Variants in PCDH9 observed in about 807,000 individuals in gnomAD.
PCDH9 encodes protocadherin 9, also known as protocadherin-9.
A neutral mutation model predicts 70.6 loss-of-function variants in PCDH9; 24 were observed. The observed-to-expected ratio is 0.34, with a 90% CI of 0.25 to 0.48. The LOEUF is 0.48. Among genes scored for constraint, PCDH9 ranks in the 20% least tolerant of loss-of-function variants. The pLI is 0.99. For missense variants in PCDH9, 1,281 were observed against 1,503.6 expected (o/e 0.85, Z 2.45); for synonymous variants, 562 against 558.5 (o/e 1.01, Z -0.09).
intron 3 of PCDH9, among the ~76,000 whole-genome samples, chr13:66,695,548 ATATAT>A (rs1445941278): frequency 6.6e-6 from 1 of 152,244 alleles, no homozygotes; most frequent in Non-Finnish European, 1.5e-5. Context: ...TAAATGTCAC[ATATAT>A]TATACCATAA....
chr13:66,840,198 T>C (rs1763204975), intron 3 of PCDH9, among the ~76,000 whole-genome samples: 1 of 152,172 alleles, frequency 6.6e-6, no homozygotes, highest in African/African-American at 2.4e-5. Context: ...ATTTTCTGAA[T>C]ACTGAATATA....
At chr13:66,857,201 T>C (rs552946918) in intron 3 of PCDH9, among the ~76,000 whole-genome samples, 1 of 152,114 alleles carries the variant, frequency 6.6e-6, no homozygotes, top group Non-Finnish European at 1.5e-5. Context: ...GCTAACAATA[T>C]TTGATAGCAA....
chr13:66,729,232 G>T (rs1189415183), intron 3 of PCDH9, among the ~76,000 whole-genome samples: 1 of 152,028 alleles, frequency 6.6e-6, no homozygotes, highest in African/African-American at 2.4e-5. Context: ...CCAGCCAAAT[G>T]ATTCCCAAAT....
intron 2 of PCDH9, among the ~76,000 whole-genome samples, chr13:66,943,185 T>C (rs1300011347): frequency 6.6e-6 from 1 of 152,022 alleles, no homozygotes; most frequent in Admixed American, 6.6e-5. Context: ...ATATTACGTC[T>C]TATATTACAT....
intron 2 of PCDH9, chr13:67,201,525 A>T (rs1254955303): frequency 2.6e-5 from 4 of 151,992 alleles, no homozygotes; most frequent in Admixed American, 1.3e-4. Flanking sequence ...GAATTCTACC[A>T]ATTTTTAACA....
At chr13:66,684,487 C>A (rs2078372522) in intron 3 of PCDH9, among the ~76,000 whole-genome samples, 1 of 152,108 alleles carries the variant, frequency 6.6e-6, no homozygotes, top group African/African-American at 2.4e-5. Context: ...GGGGCAGTTA[C>A]CTCCATACTG....
chr13:67,206,128 AC>A (rs1427815500), intron 2 of PCDH9: 1 of 151,950 alleles, frequency 6.6e-6, no homozygotes, highest in South Asian at 2.1e-4. Context: ...GGTGTAAGCC[AC>A]CACACTGGCA....
intron 2 of PCDH9, among the ~76,000 whole-genome samples, chr13:67,107,802 C>G (rs2086577466): frequency 6.6e-6 from 1 of 152,178 alleles, no homozygotes; most frequent in Admixed American, 6.5e-5. Flanking sequence ...ATATTGCAGG[C>G]AACAAGGAGA....
At chr13:67,148,521 C>T (rs867936774) in intron 2 of PCDH9, among the ~76,000 whole-genome samples, 2 of 151,760 alleles carry the variant, frequency 1.3e-5, no homozygotes, top group Non-Finnish European at 1.5e-5. Flanking sequence ...GTTAGAACAC[C>T]CGTGCAAGTT....
At chr13:66,452,183 G>T (rs1779725287) in intron 4 of PCDH9, among the ~76,000 whole-genome samples, 1 of 152,158 alleles carries the variant, frequency 6.6e-6, no homozygotes, top group African/African-American at 2.4e-5. Context: ...TAAATACTGA[G>T]AGAGGAAAAT....
intron 2 of PCDH9, among the ~76,000 whole-genome samples, chr13:67,031,229 A>T (rs2084899468): frequency 2.0e-5 from 3 of 152,184 alleles, no homozygotes; most frequent in Non-Finnish European, 4.4e-5. Context: ...AAACATTCAT[A>T]ATTTTTGTAA....
intron 4 of PCDH9, among the ~76,000 whole-genome samples, chr13:66,452,226 A>C (rs1378732117): frequency 2.0e-5 from 3 of 152,154 alleles, no homozygotes; most frequent in Non-Finnish European, 4.4e-5. Flanking sequence ...CATTTTTTCC[A>C]TTCTAATAAT....
At position 66,626,709 on chromosome 13, in the gene PCDH9, A is replaced by T. The variant is rs548376148; in HGVS notation, c.3340+4501T>A. Among the ~76,000 whole-genome samples, 15 of 150,652 alleles carry T rather than the reference A, an allele frequency of 1.0e-4. No homozygotes were observed. The South Asian group carries it at 3.2e-3, about 32-fold the overall frequency. ...CAAAAAAATTAGTGACATATGTGTC[A>T]TACCTTATGTAGTAGAGACTGCTTT... On this transcript the variant is annotated intron_variant, in intron 4 of 4. Coordinates refer to ENST00000377865, the MANE Select transcript of PCDH9 (RefSeq NM_203487.3).
At chr13:66,884,125 T>C (rs534333790) in intron 3 of PCDH9, among the ~76,000 whole-genome samples, 39 of 152,058 alleles carry the variant, frequency 2.6e-4, no homozygotes, top group Middle Eastern at 3.2e-3. Context: ...CTTGAACTCA[T>C]GACCTCAAGT....
chr13:66,344,701 A>G (rs1956186674), intron 4 of PCDH9, among the ~76,000 whole-genome samples: 1 of 152,126 alleles, frequency 6.6e-6, no homozygotes, highest in African/African-American at 2.4e-5. Context: ...TATTTTTATG[A>G]TGCCTTTATT....
chr13:66,798,816 C>CA (rs2080283993), intron 3 of PCDH9, among the ~76,000 whole-genome samples: 3 of 31,428 alleles, frequency 9.5e-5, no homozygotes, highest in African/African-American at 1.0e-4. Context: ...TCCTGTTCCT[C>CA]GTTTTTTTTT....
chr13:66,676,835 C>T (rs2078249903), intron 3 of PCDH9, among the ~76,000 whole-genome samples: 1 of 152,076 alleles, frequency 6.6e-6, no homozygotes, highest in East Asian at 1.9e-4. Context: ...TCATAAACTA[C>T]AGGACCTCAG....
rs972366928 is a variant in PCDH9, at chr13:66,895,339, T to C, written c.3138+8165A>G. ...GACTGAAAAAGAATTTCATTCATTA[T>C]TAACTCAACATAAGCACACTTTTCT... On this transcript the variant is annotated intron_variant, in intron 3 of 4. Coordinates refer to ENST00000377865, the MANE Select transcript of PCDH9 (RefSeq NM_203487.3). Among the ~76,000 whole-genome samples the C allele has an allele frequency of 2.6e-5, 4 of 152,324 alleles. 1 individual carries two copies. The highest frequency in any genetic ancestry group is 4.1e-4 in the South Asian group (2 of 4,830).
At chr13:66,317,512 T>C (rs1955675546) in intron 4 of PCDH9, among the ~76,000 whole-genome samples, 1 of 152,194 alleles carries the variant, frequency 6.6e-6, no homozygotes, top group African/African-American at 2.4e-5. Context: ...AGGTTGTTTT[T>C]TGTATCCCAC....
Sources: allele counts gnomAD v4.1 joint callset (sites outside exome capture counted in the v4.1 genomes callset), GRCh38; gene constraint gnomAD v4.1.1; transcripts MANE v1.5; gene names NCBI Gene and HGNC (gene_info 2026-07-23, HGNC 2026-07-21).